Variants in CLVS1 observed in about 807,000 individuals in gnomAD.
CLVS1 encodes the protein clavesin-1.
A neutral mutation model predicts 33.1 loss-of-function variants in CLVS1; 10 were observed. The ratio of observed to expected loss-of-function variants is 0.30; its 90% CI spans 0.19 to 0.51. The LOEUF (loss-of-function observed/expected upper bound fraction) is 0.51. Among genes scored for constraint, CLVS1 ranks in the 20% least tolerant of loss-of-function variants. CLVS1 has a pLI of 0.97. For missense variants in CLVS1, 343 were observed against 433.4 expected (o/e 0.79, Z 1.85); for synonymous variants, 163 against 166.1 (o/e 0.98, Z 0.14).
At chr8:61,094,318 G>A (rs754580459) in intron 1 of CLVS1, among the ~76,000 whole-genome samples, 18 of 152,126 alleles carry the variant, frequency 1.2e-4, no homozygotes, top group African/African-American at 1.9e-4. Flanking sequence ...GGGCACTGAC[G>A]CTGGGGGTGC....
the CLVS1 span, among the ~76,000 whole-genome samples, chr8:61,047,540 C>A: frequency 6.6e-6 from 1 of 152,280 alleles, no homozygotes; most frequent in East Asian, 1.9e-4. Context: ...TTGGAACCAA[C>A]CCAAATGTCC....
chr8:61,403,761 C>T (rs1459726167), intron 3 of CLVS1, among the ~76,000 whole-genome samples: 1 of 152,056 alleles, frequency 6.6e-6, no homozygotes, highest in East Asian at 1.9e-4. Context: ...TTAAATATTC[C>T]AAGTGGAAGA....
the CLVS1 span, among the ~76,000 whole-genome samples, chr8:61,030,402 A>G: frequency 6.6e-6 from 1 of 152,082 alleles, no homozygotes; most frequent in African/African-American, 2.4e-5. Flanking sequence ...GCAAGACTAC[A>G]TTTTGCAACA....
the CLVS1 span, among the ~76,000 whole-genome samples, chr8:61,007,739 G>T: frequency 6.6e-6 from 1 of 152,168 alleles, no homozygotes; most frequent in African/African-American, 2.4e-5. Context: ...ACACAAACCG[G>T]CACAGAAAAG....
At chr8:61,386,708 C>G (rs1433087527) in intron 3 of CLVS1, among the ~76,000 whole-genome samples, 1 of 152,170 alleles carries the variant, frequency 6.6e-6, no homozygotes, top group African/African-American at 2.4e-5. Flanking sequence ...TGACAACTAT[C>G]TCAAGCTCAT....
chr8:61,180,810 A>C (rs1348565142), intron 2 of CLVS1, among the ~76,000 whole-genome samples: 1 of 152,220 alleles, frequency 6.6e-6, no homozygotes, highest in African/African-American at 2.4e-5. Context: ...AAAAACTCTC[A>C]ATAAACTACA....
At chr8:60,992,596 G>A in the CLVS1 span, among the ~76,000 whole-genome samples, 28 of 152,182 alleles carry the variant, frequency 1.8e-4, no homozygotes, top group African/African-American at 6.8e-4. Flanking sequence ...AAAGGAAAAG[G>A]AAACAACTAG....
the CLVS1 span, among the ~76,000 whole-genome samples, chr8:61,008,140 C>T: frequency 6.6e-6 from 1 of 152,186 alleles, no homozygotes; most frequent in Non-Finnish European, 1.5e-5. Context: ...GCGCAGGACG[C>T]AGATCGTCAT....
intron 5 of CLVS1, among the ~76,000 whole-genome samples, chr8:61,495,837 G>A (rs76541895): frequency 1.4e-3 from 208 of 152,292 alleles, no homozygotes; most frequent in African/African-American, 4.9e-3. Flanking sequence ...AGGAGTCTAT[G>A]GGCAACCCAG....
intron 2 of CLVS1, among the ~76,000 whole-genome samples, chr8:61,338,782 C>G (rs1248052379): frequency 6.6e-6 from 1 of 152,188 alleles, no homozygotes; most frequent in Non-Finnish European, 1.5e-5. Context: ...TCCCCTGCCC[C>G]CTGGCTCTGG....
chr8:61,095,597 A>G (rs188096760), intron 1 of CLVS1, among the ~76,000 whole-genome samples: 2 of 152,300 alleles, frequency 1.3e-5, no homozygotes, highest in Admixed American at 6.5e-5. Context: ...CTACTGGTTG[A>G]GAAAGCTTGC....
the CLVS1 span, among the ~76,000 whole-genome samples, chr8:61,009,953 G>T: frequency 6.6e-6 from 1 of 152,130 alleles, no homozygotes; most frequent in East Asian, 1.9e-4. Flanking sequence ...TGTGCCAAAG[G>T]TGCATTTGCT....
chr8:61,361,184 C>A (rs148239918), intron 2 of CLVS1, among the ~76,000 whole-genome samples: 70 of 152,332 alleles, frequency 4.6e-4, no homozygotes, highest in African/African-American at 1.6e-3. Context: ...CCCCATGATA[C>A]AATCACCTCC....
chr8:61,019,203 AG>A, the CLVS1 span, among the ~76,000 whole-genome samples: 1 of 152,254 alleles, frequency 6.6e-6, no homozygotes, highest in Non-Finnish European at 1.5e-5. Flanking sequence ...CAGTCCATGG[AG>A]AGTCGTCTTC....
intron 2 of CLVS1, among the ~76,000 whole-genome samples, chr8:61,174,056 T>A (rs1317944533): frequency 6.6e-6 from 1 of 152,148 alleles, no homozygotes; most frequent in Admixed American, 6.6e-5. Flanking sequence ...CTGACAAATA[T>A]CAAAAGCAAG....
intron 2 of CLVS1, among the ~76,000 whole-genome samples, chr8:61,355,292 T>C (rs1258335488): frequency 6.6e-6 from 1 of 152,118 alleles, no homozygotes; most frequent in African/African-American, 2.4e-5. Flanking sequence ...AAGTTTCTTT[T>C]TTTTTTTACA....
At position 61,481,973 on chromosome 8, in the gene CLVS1, C is replaced by A. The variant is rs369799641; in HGVS notation, c.978-17482C>A. ...AGTAGGGGCCGACTGACACCTCATA[C>A]AGCTAGGTGCCCCTCTGAGACGAAG... On this transcript the variant is annotated intron_variant, in intron 5 of 5. Transcript: ENST00000325897. 6.6e-5 allele frequency among the ~76,000 whole-genome samples: 10 copies of A among 152,318 alleles called. No homozygotes were observed. The East Asian group carries it at 7.7e-4, about 12-fold the overall frequency.
rs539168479 is a variant in CLVS1 at position 61,473,662 on chromosome 8, G to A, written c.977+15120G>A. Among the ~76,000 whole-genome samples, 30 of 152,306 alleles carry A rather than the reference G, an allele frequency of 2.0e-4. No homozygotes were observed. The South Asian group carries it at 4.1e-3, about 21-fold the overall frequency. ...TGTAGCCTGGATTGGAGTGCTGAGC[G>A]TGGAGGTACAGAGAAGAAGATGACT... On this transcript the variant is annotated intron_variant, in intron 5 of 5. Transcript: ENST00000325897.
At chr8:61,109,590 A>G (rs1563406050) in intron 1 of CLVS1, among the ~76,000 whole-genome samples, 2 of 152,188 alleles carry the variant, frequency 1.3e-5, no homozygotes, top group Non-Finnish European at 1.5e-5. Flanking sequence ...TCAAATGGCA[A>G]CTGTAGCTGC....
Sources: allele counts gnomAD v4.1 joint callset (sites outside exome capture counted in the v4.1 genomes callset), GRCh38; gene constraint gnomAD v4.1.1; transcripts MANE v1.5; gene names NCBI Gene and HGNC (gene_info 2026-07-23, HGNC 2026-07-21).